SLC39A9: variants seen among roughly 807,000 people sequenced by gnomAD.
The protein encoded by SLC39A9 is zinc transporter ZIP9.
A neutral mutation model predicts 28.4 loss-of-function variants in SLC39A9; 14 were observed. That is an observed-to-expected ratio of 0.49 (90% CI 0.33 to 0.77). The LOEUF is 0.77. SLC39A9 is among the 30% of genes least tolerant of loss of function. SLC39A9 has a pLI of 0.02. For missense variants in SLC39A9, 283 were observed against 381.1 expected (o/e 0.74, Z 2.14); for synonymous variants, 119 against 149.6 (o/e 0.80, Z 1.49).
chr14:69,399,749 A>G (rs1414421495), intron 1 of SLC39A9, among the ~76,000 whole-genome samples: 1 of 152,190 alleles, frequency 6.6e-6, no homozygotes, highest in African/African-American at 2.4e-5. Context: ...ATTTACCTGG[A>G]GAGAGGCACC....
chr14:69,426,874 A>C (rs962706239), intron 2 of SLC39A9, among the ~76,000 whole-genome samples: 3 of 152,162 alleles, frequency 2.0e-5, no homozygotes, highest in Non-Finnish European at 4.4e-5. Flanking sequence ...GTAAGTGTAT[A>C]GTGTATATAC....
intron 3 of SLC39A9, among the ~76,000 whole-genome samples, chr14:69,443,717 A>G (rs563443545): frequency 1.6e-4 from 24 of 152,210 alleles, no homozygotes; most frequent in Non-Finnish European, 2.4e-4. Flanking sequence ...AAAAAATACA[A>G]TAATTAGCTG....
chr14:69,460,058 C>T lies in SLC39A9; in HGVS notation c.*1465C>T. 1 of 984,118 alleles carries T rather than the reference C, an allele frequency of 1.0e-6. No individual in the cohort carries two copies. The highest frequency in any genetic ancestry group is 4.7e-5 in the South Asian group (1 of 21,232). 61.0% of individuals were successfully genotyped at this position (984,118 alleles called of 1,614,324 possible). ...AGGATAATTTTTTTTTCATATTTGC[C>T]AAAATTTTTGTAAACCCTGTCTTGT... is the stretch of plus-strand genomic sequence containing the variant. On this transcript the variant is annotated 3_prime_UTR_variant, in exon 7 of 7. Coordinates refer to ENST00000336643, the MANE Select transcript of SLC39A9 (RefSeq NM_018375.5).
chr14:69,401,353 T>G (rs1882622864), intron 1 of SLC39A9, among the ~76,000 whole-genome samples: 1 of 152,220 alleles, frequency 6.6e-6, no homozygotes, highest in South Asian at 2.1e-4. Context: ...GTGAACCTGC[T>G]ATGTTTCCTT....
intron 4 of SLC39A9, 21 bp downstream of exon 4, chr14:69,453,330 A>G: frequency 6.2e-7 from 1 of 1,611,124 alleles, no homozygotes; most frequent in Non-Finnish European, 8.5e-7. Context: ...ATTGCAGTGG[A>G]ACTTCTTTGT....
intron 3 of SLC39A9, among the ~76,000 whole-genome samples, chr14:69,447,473 T>A (rs1885384041): frequency 6.6e-6 from 1 of 152,112 alleles, no homozygotes; most frequent in South Asian, 2.1e-4. Flanking sequence ...GTTCAGGAGT[T>A]TCAGTGGTTA....
At chr14:69,457,895 C>T (rs1221862042) in intron 6 of SLC39A9, among the ~76,000 whole-genome samples, 1 of 152,114 alleles carries the variant, frequency 6.6e-6, no homozygotes, top group African/African-American at 2.4e-5. Flanking sequence ...GAGACCTCAT[C>T]TCTAAAGACA....
chr14:69,408,695 T>G (rs1883072905), intron 1 of SLC39A9, among the ~76,000 whole-genome samples: 1 of 152,212 alleles, frequency 6.6e-6, no homozygotes, highest in Non-Finnish European at 1.5e-5. Context: ...CAACCCATGT[T>G]TGTGAGTCTA....
chr14:69,457,087 A>T (rs1262856804), intron 6 of SLC39A9, among the ~76,000 whole-genome samples: 3 of 152,118 alleles, frequency 2.0e-5, no homozygotes, highest in Non-Finnish European at 4.4e-5. Context: ...TTTTCTTAAA[A>T]TTTTAATTAG....
chr14:69,421,088 A>G (rs926632143), intron 1 of SLC39A9, among the ~76,000 whole-genome samples: 2 of 151,926 alleles, frequency 1.3e-5, no homozygotes, highest in Non-Finnish European at 2.9e-5. Flanking sequence ...GGTTTTTAGA[A>G]TTTTCAGCTT....
chr14:69,444,147 C>G (rs1047909335), intron 3 of SLC39A9, among the ~76,000 whole-genome samples: 2 of 152,120 alleles, frequency 1.3e-5, no homozygotes, highest in Non-Finnish European at 2.9e-5. Context: ...GATCACACCA[C>G]TGCACTCCAG....
chr14:69,449,460 A>G (rs954437540), intron 3 of SLC39A9, among the ~76,000 whole-genome samples: 3 of 152,170 alleles, frequency 2.0e-5, no homozygotes, highest in Non-Finnish European at 4.4e-5. Flanking sequence ...CGCCGTCTCT[A>G]CAAAAATCTT....
intron 3 of SLC39A9, among the ~76,000 whole-genome samples, chr14:69,451,591 A>G (rs1885613681): frequency 6.6e-6 from 1 of 152,234 alleles, no homozygotes; most frequent in Non-Finnish European, 1.5e-5. Context: ...GATAGAAAAC[A>G]TTCAAGTGAA....
At chr14:69,405,759 T>G (rs1318308492) in intron 1 of SLC39A9, among the ~76,000 whole-genome samples, 2 of 152,216 alleles carry the variant, frequency 1.3e-5, no homozygotes, top group Non-Finnish European at 2.9e-5. Flanking sequence ...GCAATATGAT[T>G]CAATATTATT....
At chr14:69,437,214 C>T (rs1281618758) in intron 2 of SLC39A9, among the ~76,000 whole-genome samples, 1 of 152,140 alleles carries the variant, frequency 6.6e-6, no homozygotes, top group African/African-American at 2.4e-5. Context: ...GGGGTTTTAA[C>T]TGCCTTTGTT....
Position 69,460,319 on chromosome 14 carries a change from T to C in SLC39A9, c.*1726T>C. 1.0e-6 allele frequency: 1 copy of C among 985,588 alleles called. No individual in the cohort carries two copies. The highest frequency in any genetic ancestry group is 1.2e-6 in the Non-Finnish European group (1 of 829,922). 61.1% of individuals were successfully genotyped at this position (985,588 alleles called of 1,614,324 possible). On this transcript the variant is annotated 3_prime_UTR_variant, in exon 7 of 7. Transcript: ENST00000336643. ...CTTGTGAGCCCTCTGCTGGCCACAG[T>C]GAGGAAAGTAGCACAAATAGGATAC...
In SLC39A9 at chr14:69,442,124, A is replaced by G. The variant is rs1227614692; in HGVS notation, c.261A>G (p.Ala87=). 2 of 1,614,244 alleles carry G rather than the reference A, an allele frequency of 1.2e-6. No individual in the cohort carries two copies. The highest frequency in any genetic ancestry group is 1.7e-6 in the Non-Finnish European group (2 of 1,180,026). Residue 87 remains alanine, a synonymous_variant, in exon 3 of 7, where the codon GCA becomes GCG. Coordinates refer to ENST00000336643, the MANE Select transcript of SLC39A9 (RefSeq NM_018375.5). ...ATGTGATTGCATCAGACAAAGCAGC[A>G]GAAAAATCAGTTGTCCATGAACATG... ...THNVIASDKA[A]EKSVVHEHEH... is the part of the protein sequence containing the mutation.
intron 5 of SLC39A9, among the ~76,000 whole-genome samples, chr14:69,455,275 G>A (rs747025679): frequency 1.1e-4 from 16 of 152,022 alleles, no homozygotes; most frequent in Admixed American, 3.9e-4. Context: ...ATAGCTCAGC[G>A]TTTGTACTCT....
At chr14:69,443,783 C>T (rs946750508) in intron 3 of SLC39A9, among the ~76,000 whole-genome samples, 1 of 152,098 alleles carries the variant, frequency 6.6e-6, no homozygotes, top group African/African-American at 2.4e-5. Flanking sequence ...GCGGGAGGAA[C>T]GCTTGAGCCC....
Sources: gnomAD v4.1 joint callset for allele counts (sites outside exome capture counted in the v4.1 genomes callset) on GRCh38, gnomAD v4.1.1 for gene constraint, MANE v1.5 for transcripts, NCBI Gene and HGNC (gene_info 2026-07-23, HGNC 2026-07-21) for gene names.